ANKRD24: variants seen among roughly 807,000 people sequenced by gnomAD.
ANKRD24 encodes the protein ankyrin repeat domain-containing protein 24.
Under a neutral mutation model 127.8 loss-of-function variants are expected in ANKRD24, and 109 were observed. That is an observed-to-expected ratio of 0.85 (90% CI 0.73 to 1.00). The LOEUF (loss-of-function observed/expected upper bound fraction) is 1.00. Among genes scored for constraint, ANKRD24 ranks in the 50% least tolerant of loss-of-function variants. ANKRD24 has a pLI of 0.00. For missense variants in ANKRD24, 1,648 were observed against 1,570.2 expected, an observed-to-expected ratio of 1.05 and a Z score of -0.84; for synonymous variants, 743 against 671.1, an observed-to-expected ratio of 1.11 and a Z score of -1.66.
At chr19:4,185,388 G>C (rs1199548211) in intron 1 of ANKRD24, among the ~76,000 whole-genome samples, 1 of 152,078 alleles carries the variant, frequency 6.6e-6, no homozygotes, top group Non-Finnish European at 1.5e-5. Flanking sequence ...TAAATGCGTG[G>C]AAGGGTGGCT....
rs77537445 is a variant in ANKRD24, at chr19:4,212,551, G to C, written c.1098+38G>C. 3,002 of 1,548,604 alleles carry C rather than the reference G, an allele frequency of 1.9e-3. 47 individuals are homozygous for C. The African/African-American group carries it at 0.037, about 19-fold the overall frequency. ...GTGGGGAGGAGCCGGTCCTCCTGCT[G>C]CCCAGCCTTTCCTCCCAGAGGCAGC... On this transcript the variant is annotated intron_variant, in intron 14 of 21. Transcript: ENST00000318934.
At chr19:4,212,548 G>C (rs1459366232) in intron 14 of ANKRD24, 35 bp downstream of exon 14, 1 of 1,548,710 alleles carries the variant, frequency 6.5e-7, no homozygotes, top group Non-Finnish European at 8.7e-7. Flanking sequence ...CGGTCCTCCT[G>C]CTGCCCAGCC....
Position 4,224,504 on chromosome 19 carries a change from G to A in ANKRD24, c.3440G>A (p.Ter1147=), listed in dbSNP as rs1287610252. Residue 1147 remains the stop codon, a stop_retained_variant, in exon 22 of 22, where the codon TGA becomes TAA. Transcript: ENST00000318934. ...QMQRLQAQGR[*] is the part of the protein sequence containing the mutation. Reference sequence around the variant, plus strand: ...CAGAGACTCCAGGCTCAGGGCCGCTGAGAAAGGCCAGGCCCAGTGGCTACA... The same window carrying A: ...CAGAGACTCCAGGCTCAGGGCCGCTAAGAAAGGCCAGGCCCAGTGGCTACA... 3.1e-6 allele frequency: 5 copies of A among 1,607,116 alleles called. No individual in the cohort carries two copies. The highest frequency in any genetic ancestry group is 4.2e-6 in the Non-Finnish European group (5 of 1,177,078).
chr19:4,183,144 A>G (rs1967837108), intron 1 of ANKRD24, among the ~76,000 whole-genome samples: 1 of 151,866 alleles, frequency 6.6e-6, no homozygotes, highest in Admixed American at 6.6e-5. Flanking sequence ...ACACCCAGCA[A>G]ATTTTTGTAT....
At chr19:4,218,228 C>T in intron 18 of ANKRD24, 65 bp downstream of exon 18, 1 of 1,376,842 alleles carries the variant, frequency 7.3e-7, no homozygotes, top group Non-Finnish European at 9.4e-7. Flanking sequence ...TGTTTTAGCC[C>T]CGCAGCCTTG....
rs1231976283 is a variant in ANKRD24 at position 4,199,680 on chromosome 19, C to A, written c.37-3C>A. 3 of 1,526,082 alleles carry A rather than the reference C, an allele frequency of 2.0e-6. No homozygotes were observed. In the South Asian group the frequency reaches 3.6e-5, roughly 19 times the overall value. The allele number at this position is 1,526,082 out of a possible 1,614,324, so 94.5% of individuals were successfully genotyped here. On this transcript the variant is annotated splice_region_variant and splice_polypyrimidine_tract_variant and intron_variant, in intron 2 of 21. Coordinates refer to ENST00000318934, the MANE Select transcript of ANKRD24 (RefSeq NM_001393985.1). The surrounding 1 kb of genome is among the most constrained non-coding windows in gnomAD (Gnocchi z 5.2). ...CCTCGCCCAGGACCACCTCCCCCTG[C>A]AGCTGCGGCTCAGCCCCACTGACCT...
chr19:4,219,967 C>T (rs1970356505), intron 19 of ANKRD24, among the ~76,000 whole-genome samples: 1 of 152,152 alleles, frequency 6.6e-6, no homozygotes, highest in Non-Finnish European at 1.5e-5. Context: ...CAATTATAAC[C>T]ACAGTTACAT....
chr19:4,212,405 A>G, intron 13 of ANKRD24, 70 bp from the exon 14 acceptor site: 4 of 1,514,174 alleles, frequency 2.6e-6, no homozygotes, highest in Non-Finnish European at 3.6e-6. Flanking sequence ...AATGGAGGCT[A>G]TGAAGCAGGA....
intron 10 of ANKRD24, 143 bp from the exon 11 acceptor site, chr19:4,208,621 C>T (rs1016459836): frequency 1.4e-6 from 1 of 709,268 alleles, no homozygotes; most frequent in Admixed American, 2.7e-5. Context: ...CCTCTCTCAG[C>T]ACTCTACCCA....
intron 15 of ANKRD24, among the ~76,000 whole-genome samples, chr19:4,215,050 TC>T (rs1290931326): frequency 6.6e-6 from 1 of 151,876 alleles, no homozygotes; most frequent in Non-Finnish European, 1.5e-5. Context: ...CTGCCCCGAG[TC>T]CCCTCACCCA....
In ANKRD24 at chr19:4,207,199, C is replaced by T. The variant is rs377343300; in HGVS notation, c.467-43C>T. Reference sequence around the variant, plus strand: ...TTGGCCTCCCAAGGTGCTGGGATTACAGGGTTGAGCTACCGCACCGGACAA... The same window carrying T: ...TTGGCCTCCCAAGGTGCTGGGATTATAGGGTTGAGCTACCGCACCGGACAA... On this transcript the variant is annotated intron_variant, in intron 7 of 21. Transcript: ENST00000318934. The T allele has an allele frequency of 7.3e-3, 11,568 of 1,582,096 alleles. 70 individuals carry two copies. The highest frequency in any genetic ancestry group is 8.8e-3 in the Non-Finnish European group (10,168 of 1,155,028).
chr19:4,221,096 T>A (rs1339899187), intron 19 of ANKRD24, among the ~76,000 whole-genome samples: 4 of 151,954 alleles, frequency 2.6e-5, no homozygotes, highest in Non-Finnish European at 4.4e-5. Context: ...CTTTTTTTTT[T>A]GAGAGAAAGT....
chr19:4,193,845 G>GAGGGAGGGAGGGAGGGAGGGAGGGAAGGA lies in ANKRD24; in HGVS notation c.37-5835_37-5834insGAGGGAGGGAGGGAGGGAGGGAAGGAAGG, dbSNP rs573649233. On this transcript the variant is annotated intron_variant, in intron 2 of 21. Transcript: ENST00000318934. The stretch of plus-strand genomic sequence containing the variant: ...GAGCGAGACTCCGTCGGGAGGGAGG[G>GAGGGAGGGAGGGAGGGAGGGAGGGAAGGA]AGGAAGGAAGGAAGGAAGGAAGGAA... Among the ~76,000 whole-genome samples the GAGGGAGGGAGGGAGGGAGGGAGGGAAGGA allele has an allele frequency of 2.2e-3, 89 of 40,602 alleles. 12 individuals are homozygous for GAGGGAGGGAGGGAGGGAGGGAGGGAAGGA. The highest frequency in any genetic ancestry group is 0.012 in the East Asian group (10 of 814). 26.6% of individuals were successfully genotyped at this position (40,602 alleles called of 152,430 possible). A position where few individuals can be genotyped will look rare whatever the true frequency, so the allele number is the denominator to read the frequency against.
chr19:4,184,908 GTGGA>G (rs1222111009), intron 1 of ANKRD24, among the ~76,000 whole-genome samples: 2 of 150,014 alleles, frequency 1.3e-5, no homozygotes, highest in Non-Finnish European at 3.0e-5. Flanking sequence ...GGATGGATAA[GTGGA>G]TGGATGGATG....
At chr19:4,197,902 T>C (rs562266183) in intron 2 of ANKRD24, among the ~76,000 whole-genome samples, 2 of 151,998 alleles carry the variant, frequency 1.3e-5, no homozygotes, top group Admixed American at 1.3e-4. Flanking sequence ...AGTGAGTGAA[T>C]GAATGAACGA....
chr19:4,219,755 G>A lies in ANKRD24; in HGVS notation c.3168G>A (p.Lys1056=), dbSNP rs1436137338. 1 of 1,601,104 alleles carries A rather than the reference G, an allele frequency of 6.2e-7. No homozygotes were observed. The highest frequency in any genetic ancestry group is 8.5e-7 in the Non-Finnish European group (1 of 1,172,876). Residue 1056 remains lysine, a synonymous_variant, in exon 19 of 22, where the codon AAG becomes AAA. Coordinates refer to ENST00000318934, the MANE Select transcript of ANKRD24 (RefSeq NM_001393985.1). The part of the protein sequence containing the change: ...EALDKAKEKD[K]KITELSKEVF... ...TGGACAAGGCCAAGGAGAAGGACAAGAAGGTGGGTGCCCCCTCTCCCACAC... is the reference window on the plus strand; with the variant it reads ...TGGACAAGGCCAAGGAGAAGGACAAAAAGGTGGGTGCCCCCTCTCCCACAC...
At chr19:4,223,402 T>TATATATATATATATA (rs1491398712) in intron 20 of ANKRD24, among the ~76,000 whole-genome samples, 6 of 40,438 alleles carry the variant, frequency 1.5e-4, no homozygotes, top group African/African-American at 7.2e-4. Context: ...TATATATATA[T>TATATATATATATATA]TTTTTTTTTT....
At chr19:4,183,838 C>T (rs1450654697) in intron 1 of ANKRD24, among the ~76,000 whole-genome samples, 6 of 152,090 alleles carry the variant, frequency 3.9e-5, no homozygotes, top group Admixed American at 2.0e-4. Context: ...ACCCAGGAGG[C>T]GGAGATTGCG....
intron 19 of ANKRD24, among the ~76,000 whole-genome samples, chr19:4,220,806 C>T (rs917363191): frequency 1.3e-5 from 2 of 152,086 alleles, no homozygotes; most frequent in South Asian, 2.1e-4. Context: ...CCGCCTGCCT[C>T]GGCCTCCCAG....
Sources: allele counts gnomAD v4.1 joint callset (sites outside exome capture counted in the v4.1 genomes callset), GRCh38; gene constraint gnomAD v4.1.1; non-coding constraint Gnocchi (gnomAD v3.1); transcripts MANE v1.5; gene names NCBI Gene and HGNC (gene_info 2026-07-23, HGNC 2026-07-21).